The following EFCAB5 variants were observed in gnomAD, a reference collection of about 807,000 sequenced individuals.
The protein encoded by EFCAB5 is EF-hand calcium-binding domain-containing protein 5.
EFCAB5 carries 131 observed loss-of-function variants against 167.9 expected under a neutral mutation model. That is an observed-to-expected ratio of 0.78 (90% CI 0.68 to 0.90). The LOEUF (loss-of-function observed/expected upper bound fraction) is 0.90, where lower values mean the gene tolerates loss of function less well. EFCAB5 is among the 40% of genes least tolerant of loss of function. The pLI, the probability that EFCAB5 is intolerant of heterozygous loss-of-function variation, is 0.00. For synonymous variants in EFCAB5, 574 were observed against 602.8 expected (o/e 0.95, Z 0.70); for missense variants, 1,663 against 1,745.2 (o/e 0.95, Z 0.84).
chr17:29,931,617 T>A, intron 1 of EFCAB5, among the ~76,000 whole-genome samples: 1 of 142,154 alleles, frequency 7.0e-6, no homozygotes, highest in East Asian at 1.9e-4. Context: ...GACTGTGTTT[T>A]CCCCAGAGCT....
intron 20 of EFCAB5, 47 bp from the exon 21 acceptor site, chr17:30,091,824 G>C: frequency 1.3e-6 from 2 of 1,590,478 alleles, no homozygotes; most frequent in Non-Finnish European, 1.7e-6. Flanking sequence ...GTACAGCAAT[G>C]TACATTAGAC....
chr17:29,972,967 T>C (rs1297863754), intron 4 of EFCAB5: 1 of 153,114 alleles, frequency 6.5e-6, no homozygotes, highest in East Asian at 1.9e-4. Flanking sequence ...ACACCAGCTA[T>C]TCAGGGTAGG....
chr17:29,961,040 C>T (rs2067710688), intron 3 of EFCAB5, among the ~76,000 whole-genome samples: 1 of 152,118 alleles, frequency 6.6e-6, no homozygotes, highest in African/African-American at 2.4e-5. Flanking sequence ...TCCACAATAG[C>T]TGCATCACTT....
chr17:30,090,790 T>C, intron 20 of EFCAB5, 116 bp downstream of exon 20: 1 of 1,400,828 alleles, frequency 7.1e-7, no homozygotes, highest in South Asian at 1.4e-5. Context: ...ATACACATCT[T>C]TTCATATAAA....
intron 4 of EFCAB5, among the ~76,000 whole-genome samples, chr17:29,990,533 C>T (rs1428393951): frequency 6.6e-6 from 1 of 152,176 alleles, no homozygotes; most frequent in East Asian, 1.9e-4. Flanking sequence ...ACTTGCACTC[C>T]TTTTAAATTT....
chr17:30,002,522 C>T (rs1012594080), intron 7 of EFCAB5, among the ~76,000 whole-genome samples: 1 of 152,186 alleles, frequency 6.6e-6, no homozygotes, highest in African/African-American at 2.4e-5. Flanking sequence ...CCAATTAAAA[C>T]ATCATTGTCT....
intron 4 of EFCAB5, among the ~76,000 whole-genome samples, chr17:29,971,249 C>T (rs1363747561): frequency 1.3e-5 from 2 of 152,080 alleles, no homozygotes; most frequent in East Asian, 1.9e-4. Flanking sequence ...TTTTTGTACC[C>T]TGCTACCTTA....
intron 6 of EFCAB5, among the ~76,000 whole-genome samples, chr17:29,997,532 C>T (rs2068573058): frequency 6.6e-6 from 1 of 152,002 alleles, no homozygotes; most frequent in Non-Finnish European, 1.5e-5. Flanking sequence ...ATATTACTCC[C>T]TATTACATAA....
intron 5 of EFCAB5, among the ~76,000 whole-genome samples, chr17:29,995,244 C>G (rs894389786): frequency 1.3e-5 from 2 of 152,154 alleles, no homozygotes; most frequent in Non-Finnish European, 2.9e-5. Context: ...TCTGGTGAAG[C>G]TTTCCCAGAT....
intron 8 of EFCAB5, among the ~76,000 whole-genome samples, chr17:30,036,233 G>A (rs1297678136): frequency 7.6e-6 from 1 of 131,834 alleles, no homozygotes; most frequent in Non-Finnish European, 1.6e-5. Context: ...CATATATAAT[G>A]TATGTATATA....
intron 14 of EFCAB5, among the ~76,000 whole-genome samples, chr17:30,065,920 C>A (rs2070555340): frequency 6.6e-6 from 1 of 150,804 alleles, no homozygotes; most frequent in Non-Finnish European, 1.5e-5. Flanking sequence ...AACATATATG[C>A]ACCCAACGTC....
intron 17 of EFCAB5, among the ~76,000 whole-genome samples, chr17:30,081,470 A>G (rs1427071655): frequency 6.6e-6 from 1 of 152,212 alleles, no homozygotes; most frequent in Non-Finnish European, 1.5e-5. Flanking sequence ...TTGGGTATTC[A>G]TGTTTTTAAA....
intron 7 of EFCAB5, among the ~76,000 whole-genome samples, chr17:30,015,770 T>C (rs1209798908): frequency 6.6e-6 from 1 of 150,700 alleles, no homozygotes; most frequent in East Asian, 1.9e-4. Flanking sequence ...TTTTTTTTTT[T>C]TTTTTTCTTT....
intron 8 of EFCAB5, among the ~76,000 whole-genome samples, chr17:30,049,429 G>A (rs967778099): frequency 1.3e-5 from 2 of 151,812 alleles, no homozygotes; most frequent in Admixed American, 6.6e-5. Context: ...GCAGTGAGCC[G>A]AGATCATGCC....
At chr17:30,000,295 T>C (rs1208522652) in intron 7 of EFCAB5, among the ~76,000 whole-genome samples, 1 of 152,172 alleles carries the variant, frequency 6.6e-6, no homozygotes, top group Non-Finnish European at 1.5e-5. Context: ...AAAACTTTCC[T>C]ATGGGCCAGG....
intron 7 of EFCAB5, among the ~76,000 whole-genome samples, chr17:30,024,694 A>G (rs1359143755): frequency 1.3e-5 from 2 of 151,914 alleles, no homozygotes; most frequent in African/African-American, 2.4e-5. Context: ...TTTAAAGTTC[A>G]TATGGAACCA....
At chr17:30,002,675 C>T (rs192862031) in intron 7 of EFCAB5, among the ~76,000 whole-genome samples, 41 of 152,196 alleles carry the variant, frequency 2.7e-4, no homozygotes, top group Admixed American at 7.2e-4. Flanking sequence ...TCTTCCTTCC[C>T]GATGTTTCAA....
At chr17:30,099,817 G>A (rs2071357144) in intron 22 of EFCAB5, among the ~76,000 whole-genome samples, 1 of 151,992 alleles carries the variant, frequency 6.6e-6, no homozygotes, top group African/African-American at 2.4e-5. Flanking sequence ...TGGAGGAGGA[G>A]CATCTTTTTC....
chr17:29,996,317 G>A lies in EFCAB5; in HGVS notation c.930G>A (p.Gln310=). 6.4e-7 allele frequency: 1 copy of A among 1,550,490 alleles called. No homozygotes were observed. Among genetic ancestry groups the A allele is most frequent in the Non-Finnish European group, 8.7e-7 (1 of 1,146,636 alleles). Residue 310 remains glutamine (Q), a synonymous_variant, in exon 6 of 23, where the codon CAG becomes CAA. Coordinates refer to ENST00000394835, the MANE Select transcript of EFCAB5 (RefSeq NM_198529.4). ...TTTCCTCTTTTGAGTTGCAGATTCAGAATGTTCTTCAAGAATTCTTTCAAA... is the reference window on the plus strand; with the variant it reads ...TTTCCTCTTTTGAGTTGCAGATTCAAAATGTTCTTCAAGAATTCTTTCAAA... ...PKGMIPKSVI[Q]NVLQEFFQNP...
Sources: allele counts gnomAD v4.1 joint callset (sites outside exome capture counted in the v4.1 genomes callset), GRCh38; gene constraint gnomAD v4.1.1; transcripts MANE v1.5; gene names NCBI Gene and HGNC (gene_info 2026-07-23, HGNC 2026-07-21).